Variants in TENM1 observed in about 807,000 individuals in gnomAD.
TENM1 encodes the protein teneurin-1.
Under a neutral mutation model 174.8 loss-of-function variants are expected in TENM1, and 35 were observed. That is an observed-to-expected ratio of 0.20 (90% confidence interval 0.15 to 0.27). The LOEUF is 0.27. Ranked by LOEUF, TENM1 falls within the 10% of genes least tolerant of loss-of-function variation. The probability of loss-of-function intolerance (pLI) is 1.00; values close to 1 mark genes in which losing one functional copy is unlikely to be tolerated. For synonymous variants in TENM1, 781 were observed against 798.7 expected, an observed-to-expected ratio of 0.98 and a Z score of 0.37; for missense variants, 1,633 against 2,130.1, an observed-to-expected ratio of 0.77 and a Z score of 4.59.
rs930538118 is a variant in TENM1, at chrX:124,555,958, A to C, written c.2434+5713T>G. On this transcript the variant is annotated intron_variant, in intron 14 of 31. Transcript: ENST00000422452. ...AGTCAAGCAAATTTTCCACTTGATG[A>C]GTACAAAACTGTTACTCCCAGATCA... is the stretch of plus-strand genomic sequence containing the variant. Among the ~76,000 whole-genome samples the C allele has an allele frequency of 2.7e-5, 3 of 112,231 alleles. No homozygotes were observed. In the Admixed American group the frequency reaches 2.8e-4, roughly 11 times the overall value.
At chrX:125,160,558 A>AC in the TENM1 span, among the ~76,000 whole-genome samples, 2 of 105,092 alleles carry the variant, frequency 1.9e-5, no homozygotes, top group African/African-American at 6.9e-5. Context: ...AAAAAAAAAA[A>AC]AAAAAAAAAA....
intron 23 of TENM1, among the ~76,000 whole-genome samples, chrX:124,441,750 A>AAATACACT (rs1189836167): frequency 1.8e-5 from 2 of 112,459 alleles, no homozygotes; most frequent in African/African-American, 6.5e-5. Context: ...GAAAATGGGA[A>AAATACACT]AATACACTGG....
chrX:125,076,368 G>GA, the TENM1 span, among the ~76,000 whole-genome samples: 41,054 of 110,637 alleles, frequency 0.37, 7,811 homozygotes, highest in African/African-American at 0.75. Context: ...AACTTTTCAT[G>GA]GTAAATATCA....
intron 9 of TENM1, among the ~76,000 whole-genome samples, chrX:124,645,577 C>A (rs1418560626): frequency 8.9e-6 from 1 of 111,790 alleles, no homozygotes; most frequent in Admixed American, 9.5e-5. Flanking sequence ...TTTGATCTCA[C>A]CCTACTCTTA....
chrX:125,148,137 A>G, the TENM1 span, among the ~76,000 whole-genome samples: 1 of 111,187 alleles, frequency 9.0e-6, no homozygotes, highest in African/African-American at 3.3e-5. Context: ...GTAATGCCTC[A>G]TCTGAAAACT....
intron 6 of TENM1, among the ~76,000 whole-genome samples, chrX:124,664,850 A>T (rs2051711464): frequency 9.0e-6 from 1 of 110,934 alleles, no homozygotes; most frequent in African/African-American, 3.3e-5. Flanking sequence ...TTTTTAATCA[A>T]GATAGCCGTT....
intron 8 of TENM1, among the ~76,000 whole-genome samples, chrX:124,649,502 A>C (rs1419068020): frequency 8.9e-6 from 1 of 112,357 alleles, no homozygotes; most frequent in East Asian, 2.8e-4. Flanking sequence ...TTCCTGAGCT[A>C]TCTGGGTTGT....
intron 15 of TENM1, among the ~76,000 whole-genome samples, chrX:124,539,220 G>C (rs1159683085): frequency 9.0e-6 from 1 of 111,512 alleles, no homozygotes; most frequent in Non-Finnish European, 1.9e-5. Flanking sequence ...TATTGCATAG[G>C]GGTCCAGGTG....
At chrX:125,160,362 G>GAA in the TENM1 span, among the ~76,000 whole-genome samples, 3 of 85,069 alleles carry the variant, frequency 3.5e-5, no homozygotes, top group Non-Finnish European at 4.7e-5. Flanking sequence ...CATCTCTACT[G>GAA]AAAAAAAAAA....
intron 3 of TENM1, among the ~76,000 whole-genome samples, chrX:124,784,422 G>A (rs960314036): frequency 2.7e-5 from 3 of 111,582 alleles, no homozygotes; most frequent in African/African-American, 9.7e-5. Flanking sequence ...TAAAAAGTGA[G>A]GAAAGACAAG....
At chrX:124,801,065 A>G (rs1463129691) in intron 3 of TENM1, among the ~76,000 whole-genome samples, 2 of 111,839 alleles carry the variant, frequency 1.8e-5, no homozygotes, top group South Asian at 3.7e-4. Context: ...AGAAGAATAT[A>G]TATTCTGTTG....
chrX:124,923,674 A>G (rs1433901282), intron 1 of TENM1, among the ~76,000 whole-genome samples: 1 of 112,116 alleles, frequency 8.9e-6, no homozygotes, highest in Non-Finnish European at 1.9e-5. Flanking sequence ...AGTATACCCA[A>G]CGTACTCACA....
At chrX:124,996,355 G>A in the TENM1 span, among the ~76,000 whole-genome samples, 1 of 110,513 alleles carries the variant, frequency 9.0e-6, no homozygotes, top group Non-Finnish European at 1.9e-5. Flanking sequence ...GTTGGGTTCT[G>A]AGTGGTTCAT....
chrX:125,162,124 C>T, the TENM1 span, among the ~76,000 whole-genome samples: 2 of 111,077 alleles, frequency 1.8e-5, no homozygotes, highest in East Asian at 5.7e-4. Flanking sequence ...GGTTGTCATG[C>T]CTGAAGCTGC....
At chrX:125,001,414 G>T in the TENM1 span, among the ~76,000 whole-genome samples, 1 of 111,311 alleles carries the variant, frequency 9.0e-6, no homozygotes. Context: ...CAAGGTACTT[G>T]AAACTAAACA....
chrX:125,032,144 C>T, the TENM1 span, among the ~76,000 whole-genome samples: 1 of 110,136 alleles, frequency 9.1e-6, no homozygotes, highest in Non-Finnish European at 1.9e-5. Context: ...TAACTAGTCA[C>T]CAGTCTCCAG....
exon 18 of TENM1, chrX:124,520,713 C>A (rs2047824411): frequency 1.7e-6 from 2 of 1,206,271 alleles, no homozygotes; most frequent in South Asian, 1.8e-5. Flanking sequence ...GGGTTTTATA[C>A]CCAGGGGTGC....
chrX:124,643,487 C>A (rs2051070089), intron 10 of TENM1, among the ~76,000 whole-genome samples: 2 of 111,107 alleles, frequency 1.8e-5, no homozygotes, highest in Admixed American at 1.9e-4. Context: ...CCCAGGGTCA[C>A]CAGATTTTCT....
At chrX:124,712,134 T>A (rs908896743) in intron 4 of TENM1, among the ~76,000 whole-genome samples, 2 of 112,326 alleles carry the variant, frequency 1.8e-5, no homozygotes, top group African/African-American at 6.5e-5. Flanking sequence ...CTATTGTGAA[T>A]AGTGCTTCTG....
Sources: gnomAD v4.1 joint callset for allele counts (sites outside exome capture counted in the v4.1 genomes callset) on GRCh38, gnomAD v4.1.1 for gene constraint, MANE v1.5 for transcripts, NCBI Gene and HGNC (gene_info 2026-07-23, HGNC 2026-07-21) for gene names.